SORCS1: variants seen among roughly 807,000 people sequenced by gnomAD.
The protein encoded by SORCS1 is sortilin related VPS10 domain containing receptor 1.
A neutral mutation model predicts 146.1 loss-of-function variants in SORCS1; 60 were observed. That is an observed-to-expected ratio of 0.41 (90% CI 0.33 to 0.51). The LOEUF is 0.51. SORCS1 is among the 20% of genes least tolerant of loss of function. The probability of loss-of-function intolerance (pLI) is 0.21; values close to 1 mark genes in which losing one functional copy is unlikely to be tolerated. For synonymous variants in SORCS1, 637 were observed against 584.0 expected (o/e 1.09, Z -1.31); for missense variants, 1,352 against 1,487.6 (o/e 0.91, Z 1.50).
At chr10:106,805,372 C>T (rs995484815) in intron 3 of SORCS1, among the ~76,000 whole-genome samples, 10 of 152,132 alleles carry the variant, frequency 6.6e-5, no homozygotes, top group African/African-American at 2.4e-4. Flanking sequence ...TTTGGGGTCC[C>T]CATGCAGAAA....
At chr10:106,978,909 T>C (rs1226042378) in intron 1 of SORCS1, among the ~76,000 whole-genome samples, 6 of 152,156 alleles carry the variant, frequency 3.9e-5, no homozygotes, top group Non-Finnish European at 8.8e-5. Context: ...ATAGACAATA[T>C]GTCAACAAAT....
At chr10:106,903,321 T>A (rs1227632131) in intron 2 of SORCS1, among the ~76,000 whole-genome samples, 2 of 152,180 alleles carry the variant, frequency 1.3e-5, no homozygotes, top group Admixed American at 1.3e-4. Context: ...AGTTGACAAG[T>A]ATACAAAGCA....
chr10:107,157,728 C>T (rs1175618416), intron 1 of SORCS1, among the ~76,000 whole-genome samples: 3 of 152,184 alleles, frequency 2.0e-5, no homozygotes, highest in Non-Finnish European at 2.9e-5. Context: ...CTCTAAGATT[C>T]CACCTTTGCT....
intron 1 of SORCS1, among the ~76,000 whole-genome samples, chr10:107,155,586 C>T (rs189343881): frequency 2.2e-4 from 34 of 152,212 alleles, no homozygotes; most frequent in Non-Finnish European, 4.4e-5. Flanking sequence ...TGAATGTGCC[C>T]AAAATAGCCT....
At chr10:106,768,875 C>T (rs78027279) in intron 4 of SORCS1, among the ~76,000 whole-genome samples, 2,189 of 152,238 alleles carry the variant, frequency 0.014, 52 homozygotes, top group African/African-American at 0.05. Flanking sequence ...ATTTTGCATG[C>T]GTTATCTCAG....
chr10:107,030,295 C>CA (rs1958592579), intron 1 of SORCS1, among the ~76,000 whole-genome samples: 1 of 151,554 alleles, frequency 6.6e-6, no homozygotes, highest in African/African-American at 2.4e-5. Flanking sequence ...TACTCTATAT[C>CA]CATCATCTAA....
At chr10:107,164,827 G>T (rs1466575643), upstream of SORCS1, among the ~76,000 whole-genome samples, 11 of 147,510 alleles carry the variant, frequency 7.5e-5, no homozygotes, top group East Asian at 2.2e-3. The surrounding 1 kb of genome is among the most constrained non-coding windows in gnomAD (Gnocchi z 6.8). Context: ...AGGCGCTGCC[G>T]GGACTCCGGG....
At position 106,927,847 on chromosome 10, in the gene SORCS1, G is replaced by C. The variant is rs1381253981; in HGVS notation, c.626+28666C>G. On this transcript the variant is annotated intron_variant, in intron 2 of 25. Coordinates refer to ENST00000263054, the MANE Select transcript of SORCS1 (RefSeq NM_052918.5). The stretch of plus-strand genomic sequence containing the variant: ...AACCTTGAGCTAGACACAGAGTGCC[G>C]ATTGGTGTCTCAATCCCTGAGCTAG... 2.0e-5 allele frequency among the ~76,000 whole-genome samples: 3 copies of C among 151,598 alleles called. No individual in the cohort carries two copies. In the South Asian group the frequency reaches 6.2e-4, roughly 32 times the overall value.
intron 1 of SORCS1, among the ~76,000 whole-genome samples, chr10:107,088,839 C>A (rs146370919): frequency 0.017 from 2,550 of 152,256 alleles, 29 homozygotes; most frequent in African/African-American, 0.028. Context: ...CCTCCATTTC[C>A]CAGAAACTTC....
intron 1 of SORCS1, among the ~76,000 whole-genome samples, chr10:107,157,767 G>A (rs184376245): frequency 1.4e-4 from 21 of 152,092 alleles, no homozygotes; most frequent in East Asian, 3.9e-4. Context: ...TACTCCATCC[G>A]TACAATCGGA....
chr10:106,791,617 T>C (rs1290828544), intron 3 of SORCS1, among the ~76,000 whole-genome samples: 1 of 152,142 alleles, frequency 6.6e-6, no homozygotes, highest in Non-Finnish European at 1.5e-5. Flanking sequence ...GAGAATCGCT[T>C]GAACCCAGGA....
chr10:106,815,378 A>G (rs765281547), intron 3 of SORCS1, among the ~76,000 whole-genome samples: 10 of 152,334 alleles, frequency 6.6e-5, no homozygotes, highest in Middle Eastern at 3.4e-3. Context: ...CCAGTATCCA[A>G]TTTCAACAAG....
intron 6 of SORCS1, among the ~76,000 whole-genome samples, chr10:106,720,591 T>C (rs967575094): frequency 4.0e-5 from 6 of 151,864 alleles, no homozygotes; most frequent in Non-Finnish European, 5.9e-5. Flanking sequence ...TACTTTTTTT[T>C]TAAGCCGGAG....
intron 1 of SORCS1, among the ~76,000 whole-genome samples, chr10:107,019,536 A>T (rs1324636962): frequency 6.6e-6 from 1 of 152,212 alleles, no homozygotes; most frequent in East Asian, 1.9e-4. Flanking sequence ...TTAGTTCAGG[A>T]TCTGCTGAGA....
intron 1 of SORCS1, among the ~76,000 whole-genome samples, chr10:107,065,417 T>TTCTTTCTTTCTTTCTTTCTTTC (rs1554937363): frequency 2.3e-5 from 2 of 87,542 alleles, no homozygotes; most frequent in African/African-American, 6.6e-5. Context: ...TCTCTTTCTT[T>TTCTTTCTTTCTTTCTTTCTTTC]TCTTTCTTTC....
At chr10:106,818,257 T>G (rs1023151947) in intron 3 of SORCS1, among the ~76,000 whole-genome samples, 2 of 152,200 alleles carry the variant, frequency 1.3e-5, no homozygotes, top group Non-Finnish European at 2.9e-5. Context: ...ATATTAATAA[T>G]GTCACCACTG....
chr10:106,919,852 G>A (rs1952622704), intron 2 of SORCS1, among the ~76,000 whole-genome samples: 1 of 152,178 alleles, frequency 6.6e-6, no homozygotes, highest in Non-Finnish European at 1.5e-5. Context: ...AATATTTATA[G>A]TGCCCATTCT....
intron 4 of SORCS1, among the ~76,000 whole-genome samples, chr10:106,768,753 G>A (rs1859764936): frequency 6.6e-6 from 1 of 152,190 alleles, no homozygotes; most frequent in South Asian, 2.1e-4. Context: ...CCTAAGACAT[G>A]CTTTGTCTAA....
At chr10:106,588,754 C>A (rs1026885651) in intron 24 of SORCS1, among the ~76,000 whole-genome samples, 9 of 147,726 alleles carry the variant, frequency 6.1e-5, no homozygotes, top group African/African-American at 2.2e-4. Context: ...CCAGCTACTC[C>A]GGAGGCTGAG....
Sources: gnomAD v4.1 joint callset for allele counts (sites outside exome capture counted in the v4.1 genomes callset) on GRCh38, gnomAD v4.1.1 for gene constraint, Gnocchi (gnomAD v3.1) non-coding constraint, MANE v1.5 for transcripts, NCBI Gene and HGNC (gene_info 2026-07-23, HGNC 2026-07-21) for gene names.